CEP85L: variants seen among roughly 807,000 people sequenced by gnomAD.
The protein encoded by CEP85L is centrosomal protein of 85 kDa-like.
CEP85L carries 60 observed loss-of-function variants against 100.3 expected under a neutral mutation model. The observed-to-expected ratio is 0.60, with a 90% CI of 0.49 to 0.74. CEP85L has a LOEUF of 0.74. CEP85L is among the 30% of genes least tolerant of loss of function. The probability of loss-of-function intolerance (pLI) is 0.00; values close to 1 mark genes in which losing one functional copy is unlikely to be tolerated. For synonymous variants in CEP85L, 319 were observed against 322.7 expected (o/e 0.99, Z 0.12); for missense variants, 973 against 936.2 (o/e 1.04, Z -0.51).
At chr6:118,674,753 T>C (rs1233045527) in intron 1 of CEP85L, among the ~76,000 whole-genome samples, 3 of 152,134 alleles carry the variant, frequency 2.0e-5, no homozygotes, top group African/African-American at 7.2e-5. Flanking sequence ...ATCATAACCA[T>C]AATGAGACAC....
intron 4 of CEP85L, among the ~76,000 whole-genome samples, chr6:118,518,529 T>C (rs1776420921): frequency 6.6e-6 from 1 of 152,244 alleles, no homozygotes; most frequent in Non-Finnish European, 1.5e-5. Context: ...AAGGTGTTTA[T>C]AATATTCTCT....
chr6:118,491,825 T>G lies in CEP85L; in HGVS notation c.1298A>C (p.Glu433Ala), dbSNP rs1774594227. Reference protein sequence around the residue: ...ENTSLQTPFSEESVSHSQQGE... With the variant: ...ENTSLQTPFSAESVSHSQQGE... The stretch of plus-strand genomic sequence containing the variant: ...TTGTTGGGAATGGGAAACTGATTCC[T>G]CTGAAAATGGTGTCTGGAGTGAAGT... Residue 433 changes from glutamate (E) to alanine (A), a missense_variant, in exon 6 of 13, where the codon GAG becomes GCG. Glu to Ala is a moderately radical substitution (Grantham distance 107, BLOSUM62 -1). Around this residue, in one of 3 missense-constraint regions of CEP85L, gnomAD observed 890 missense variants for 844.5 expected, o/e 1.05. Transcript: ENST00000368491. 6.2e-7 allele frequency: 1 copy of G among 1,612,500 alleles called. No individual in the cohort carries two copies. The highest frequency in any genetic ancestry group is 1.7e-5 in the Admixed American group (1 of 59,788).
At chr6:118,596,143 C>T (rs1453833716) in intron 2 of CEP85L, among the ~76,000 whole-genome samples, 31 of 152,060 alleles carry the variant, frequency 2.0e-4, no homozygotes. Flanking sequence ...AAAAAATGAA[C>T]ATCTTATAGA....
At chr6:118,595,990 T>C (rs1781441295) in intron 2 of CEP85L, among the ~76,000 whole-genome samples, 1 of 152,358 alleles carries the variant, frequency 6.6e-6, no homozygotes, top group African/African-American at 2.4e-5. Flanking sequence ...AAATTTCATG[T>C]ACATTATTTA....
intron 12 of CEP85L, among the ~76,000 whole-genome samples, chr6:118,466,691 A>C (rs1358564970): frequency 6.6e-6 from 1 of 152,150 alleles, no homozygotes; most frequent in Non-Finnish European, 1.5e-5. Context: ...AGTACCAAGA[A>C]ATAAGGCTAT....
intron 2 of CEP85L, among the ~76,000 whole-genome samples, chr6:118,581,467 G>A (rs1402352640): frequency 6.6e-6 from 1 of 151,796 alleles, no homozygotes; most frequent in African/African-American, 2.4e-5. Context: ...AGTCTAGGAG[G>A]TCAAAGGGAA....
chr6:118,537,672 AT>A (rs1197481663), intron 3 of CEP85L: 4 of 985,254 alleles, frequency 4.1e-6, no homozygotes, highest in Non-Finnish European at 4.8e-6. Context: ...CATGCTCCTA[AT>A]AAAAGTTTAC....
intron 6 of CEP85L, among the ~76,000 whole-genome samples, chr6:118,484,730 A>G (rs141493477): frequency 2.6e-5 from 4 of 151,022 alleles, no homozygotes; most frequent in Admixed American, 2.0e-4. Context: ...TATGGGAACT[A>G]AGAGAGGAAG....
At chr6:118,639,619 A>G (rs1774734223) in intron 1 of CEP85L, among the ~76,000 whole-genome samples, 1 of 152,214 alleles carries the variant, frequency 6.6e-6, no homozygotes, top group African/African-American at 2.4e-5. Context: ...ATTATTCAAA[A>G]TTCCAACAAC....
chr6:118,526,393 A>G (rs1422802153), intron 3 of CEP85L, among the ~76,000 whole-genome samples: 1 of 152,202 alleles, frequency 6.6e-6, no homozygotes, highest in Non-Finnish European at 1.5e-5. Flanking sequence ...ACCCCGCTCC[A>G]TCCATAAATA....
chr6:118,487,068 A>G (rs1774236873), intron 6 of CEP85L, among the ~76,000 whole-genome samples: 1 of 152,212 alleles, frequency 6.6e-6, no homozygotes, highest in Admixed American at 6.5e-5. Context: ...CTGGAAAAAA[A>G]GAATAAAATG....
chr6:118,649,677 A>C (rs1775418963), intron 1 of CEP85L, among the ~76,000 whole-genome samples: 1 of 152,192 alleles, frequency 6.6e-6, no homozygotes, highest in South Asian at 2.1e-4. Flanking sequence ...ATTTGTGAAT[A>C]ATCTGTAAAC....
At chr6:118,612,269 A>T (rs879721351) in intron 2 of CEP85L, among the ~76,000 whole-genome samples, 14 of 151,922 alleles carry the variant, frequency 9.2e-5, no homozygotes, top group African/African-American at 3.4e-4. Flanking sequence ...TAAAAAAAAA[A>T]ACCACACTGA....
intron 1 of CEP85L, among the ~76,000 whole-genome samples, chr6:118,691,595 C>T (rs1335951865): frequency 1.4e-5 from 2 of 147,250 alleles, no homozygotes; most frequent in East Asian, 2.0e-4. Flanking sequence ...ATTAGCCAGG[C>T]GTGGTGGCAG....
chr6:118,572,131 C>T lies in CEP85L; in HGVS notation c.233-5815G>A, dbSNP rs972446028. On this transcript the variant is annotated intron_variant, in intron 2 of 12. Coordinates refer to ENST00000368491, the MANE Select transcript of CEP85L (RefSeq NM_001042475.3). ...TTGCCCTCCCAAAGTGCTGGGATTACAGGCGGAAGCCACCACTCCTGGCCC... is the reference window on the plus strand; with the variant it reads ...TTGCCCTCCCAAAGTGCTGGGATTATAGGCGGAAGCCACCACTCCTGGCCC... Among the ~76,000 whole-genome samples, 64 of 152,206 alleles carry T rather than the reference C, an allele frequency of 4.2e-4. 1 individual carries two copies. Among genetic ancestry groups the T allele is most frequent in the African/African-American group, 1.5e-3 (62 of 41,530 alleles).
chr6:118,494,653 A>G (rs1366327187), intron 5 of CEP85L, among the ~76,000 whole-genome samples: 2 of 152,184 alleles, frequency 1.3e-5, no homozygotes, highest in East Asian at 3.8e-4. Context: ...ATTCACCAAA[A>G]GACTGAGACC....
chr6:118,485,234 G>A (rs910604728), intron 6 of CEP85L, among the ~76,000 whole-genome samples: 1 of 151,806 alleles, frequency 6.6e-6, no homozygotes, highest in Admixed American at 6.6e-5. Flanking sequence ...AAACTTACAG[G>A]GTTCTAAAAT....
At chr6:118,545,591 TC>T (rs1325012717) in intron 3 of CEP85L, among the ~76,000 whole-genome samples, 1 of 151,922 alleles carries the variant, frequency 6.6e-6, no homozygotes, top group African/African-American at 2.4e-5. Flanking sequence ...CGCACCCCCT[TC>T]CAAAAAAAAT....
rs144956758 is a variant in CEP85L at position 118,479,007 on chromosome 6, G to A, written c.1914+864C>T. ...GTATTAGATTTACTTCTTGGAAAAC[G>A]TGCCCAAGTGAAATGGAAATTCCTT... is the stretch of plus-strand genomic sequence containing the variant. On this transcript the variant is annotated intron_variant, in intron 10 of 12. Transcript: ENST00000368491. Among the ~76,000 whole-genome samples, 107 of 152,172 alleles carry A rather than the reference G, an allele frequency of 7.0e-4. 1 individual carries two copies. The highest frequency in any genetic ancestry group is 2.2e-3 in the African/African-American group (93 of 41,532).
Sources: gnomAD v4.1 joint callset for allele counts (sites outside exome capture counted in the v4.1 genomes callset) on GRCh38, gnomAD v4.1.1 for gene constraint, gnomAD v4.1.1 regional missense constraint, MANE v1.5 for transcripts, NCBI Gene and HGNC (gene_info 2026-07-23, HGNC 2026-07-21) for gene names.